The following MCM3AP variants were observed in gnomAD, a reference collection of about 807,000 sequenced individuals.
MCM3AP encodes the protein minichromosome maintenance complex component 3 associated protein.
MCM3AP carries 126 observed loss-of-function variants against 184.1 expected under a neutral mutation model. The observed-to-expected ratio is 0.68, with a 90% confidence interval of 0.59 to 0.79. The LOEUF (loss-of-function observed/expected upper bound fraction) is 0.79. Ranked by LOEUF, MCM3AP falls within the 30% of genes least tolerant of loss-of-function variation. The pLI is 0.00. For missense variants in MCM3AP, 2,496 were observed against 2,479.2 expected (o/e 1.01, Z -0.14); for synonymous variants, 1,002 against 979.3 (o/e 1.02, Z -0.43).
Position 46,266,622 on chromosome 21 carries a change from C to G in MCM3AP, c.2789+360G>C, listed in dbSNP as rs77185377. ...TGACTGGTAAGTACCGGAGAAGACT[C>G]CGGCTGGCCTGCGGGTGCCTCCATC... On this transcript the variant is annotated intron_variant, in intron 10 of 27. Coordinates refer to ENST00000291688, the MANE Select transcript of MCM3AP (RefSeq NM_003906.5). 1.4e-4 allele frequency: 41 copies of G among 285,684 alleles called. No homozygotes were observed. In the East Asian group the frequency reaches 3.3e-3, roughly 23 times the overall value. The allele number at this position is 285,684 out of a possible 1,614,324, so 17.7% of individuals were successfully genotyped here.
Position 46,243,493 on chromosome 21 carries a change from C to T in MCM3AP, c.5268G>A (p.Trp1756Ter). The change falls in exon 24 of 28, where the codon TGG becomes TGA. Residue 1756 changes from tryptophan to a stop codon, truncating the protein, a stop_gained. Transcript: ENST00000291688. LOFTEE classifies it high-confidence loss of function. ...ALCINHKLRD[W>*]TPPRLPVTSE... ...ATGTAACAGGAAGCCGGGGGGGCGT[C>T]CAGTCTCTCAGCTTGTGGTTGATAC... is the stretch of plus-strand genomic sequence containing the variant. The T allele has an allele frequency of 4.3e-6, 7 of 1,612,710 alleles. No homozygotes were observed. Among genetic ancestry groups the T allele is most frequent in the Non-Finnish European group, 5.1e-6 (6 of 1,178,944 alleles).
intron 6 of MCM3AP, among the ~76,000 whole-genome samples, chr21:46,274,151 G>A (rs1042927704): frequency 4.6e-5 from 7 of 152,230 alleles, no homozygotes; most frequent in Admixed American, 2.0e-4. Context: ...ACGAGTTGCT[G>A]GGCTGGGGAC....
intron 5 of MCM3AP, among the ~76,000 whole-genome samples, 194 bp downstream of exon 5, chr21:46,277,333 G>A (rs569329743): frequency 6.6e-6 from 1 of 152,108 alleles, no homozygotes; most frequent in Non-Finnish European, 1.5e-5. Context: ...AAACATATTT[G>A]CACATTTATG....
intron 13 of MCM3AP, among the ~76,000 whole-genome samples, chr21:46,261,732 C>CAAAAAAAAAAAAAAAA (rs58763611): frequency 9.0e-6 from 1 of 110,976 alleles, no homozygotes; most frequent in Non-Finnish European, 1.8e-5. Flanking sequence ...GACTCTGTCT[C>CAAAAAAAAAAAAAAAA]AAAAAAAAAA....
chr21:46,283,506 T>C (rs1336695565), intron 2 of MCM3AP, 109 bp downstream of exon 2: 1 of 681,040 alleles, frequency 1.5e-6, no homozygotes, highest in African/African-American at 1.8e-5. Flanking sequence ...TTTGAGTACT[T>C]TCTCTATATT....
At chr21:46,235,997 A>G (rs185132203) in intron 27 of MCM3AP, among the ~76,000 whole-genome samples, 40 of 152,352 alleles carry the variant, frequency 2.6e-4, no homozygotes, top group African/African-American at 9.6e-4. Flanking sequence ...ATGTGTTATA[A>G]TTGTTTAATC....
intron 11 of MCM3AP, 33 bp downstream of exon 11, chr21:46,265,892 T>C (rs1217019757): frequency 7.3e-6 from 11 of 1,515,170 alleles, no homozygotes; most frequent in Non-Finnish European, 8.9e-6. Flanking sequence ...AAAATGCAGC[T>C]AGTCCCCTCA....
Position 46,280,095 on chromosome 21 carries a change from C to T in MCM3AP, c.1565G>A (p.Gly522Asp), listed in dbSNP as rs1385484295. 2 of 1,614,104 alleles carry T rather than the reference C, an allele frequency of 1.2e-6. No homozygotes were observed. Among genetic ancestry groups the T allele is most frequent in the Admixed American group, 3.3e-5 (2 of 60,004 alleles). ...TGTGCTCGGGCTGACTTCACCGTCA[C>T]CTGGTTTCTTCTCCTTCAGGGAAAA... ...KPFSLKEKKP[G>D]DGEVSPSTED... is the part of the protein sequence containing the mutation. Residue 522 changes from glycine to aspartate, a missense_variant, in exon 4 of 28, where the codon GGT becomes GAT. Gly to Asp is a moderately conservative substitution (Grantham distance 94). This residue lies in a region of MCM3AP where 800 missense variants were observed against 717.1 expected (regional missense o/e 1.12). Coordinates refer to ENST00000291688, the MANE Select transcript of MCM3AP (RefSeq NM_003906.5).
chr21:46,280,110 T>C lies in MCM3AP; in HGVS notation c.1550A>G (p.Lys517Arg). ...TTCACCGTCACCTGGTTTCTTCTCC[T>C]TCAGGGAAAAGGGTTTCTTATTGGG... Reference protein sequence around the residue: ...ISPNKKPFSLKEKKPGDGEVS... With the variant: ...ISPNKKPFSLREKKPGDGEVS... The change falls in exon 4 of 28, where the codon AAG becomes AGG. Residue 517 changes from lysine (K) to arginine (R), a missense_variant. This residue lies in a region of MCM3AP where 800 missense variants were observed against 717.1 expected (regional missense o/e 1.12). Coordinates refer to ENST00000291688, the MANE Select transcript of MCM3AP (RefSeq NM_003906.5). 1 of 1,614,174 alleles carries C rather than the reference T, an allele frequency of 6.2e-7. No homozygotes were observed. The highest frequency in any genetic ancestry group is 1.1e-5 in the South Asian group (1 of 91,080).
At position 46,256,841 on chromosome 21, in the gene MCM3AP, T is replaced by G; in HGVS notation, c.3880A>C (p.Arg1294=). The G allele has an allele frequency of 6.4e-7, 1 of 1,571,900 alleles. No individual in the cohort carries two copies. Residue 1294 remains arginine (R), a synonymous_variant, in exon 17 of 28, where the codon AGG becomes CGG. Coordinates refer to ENST00000291688, the MANE Select transcript of MCM3AP (RefSeq NM_003906.5). ...ECPIAEENLA[R]GLLDLGHAGR... is the part of the protein sequence containing the mutation. Reference sequence around the variant, plus strand: ...GCATGGCCCAGGTCCAGGAGGCCCCTGGCCAGGTTCTCTTCAGCAATGGGG... The same window carrying G: ...GCATGGCCCAGGTCCAGGAGGCCCCGGGCCAGGTTCTCTTCAGCAATGGGG...
chr21:46,257,197 G>A (rs897114314), intron 16 of MCM3AP, among the ~76,000 whole-genome samples: 2 of 152,308 alleles, frequency 1.3e-5, no homozygotes, highest in African/African-American at 4.8e-5. Context: ...ATACCCAGCT[G>A]GGTGCAGTGG....
At position 46,283,611 on chromosome 21, in the gene MCM3AP, T is replaced by C. The variant is rs771048180; in HGVS notation, c.1443+4A>G. 9.4e-6 allele frequency: 15 copies of C among 1,601,078 alleles called. No homozygotes were observed. The highest frequency in any genetic ancestry group is 1.2e-5 in the Non-Finnish European group (14 of 1,168,384). The stretch of plus-strand genomic sequence containing the variant: ...GTAACAAATGGCAAGATGGGAGTAC[T>C]CACATGATCAAAGAAATGTACCACT... On this transcript the variant is annotated splice_donor_region_variant and intron_variant, in intron 2 of 27. Coordinates refer to ENST00000291688, the MANE Select transcript of MCM3AP (RefSeq NM_003906.5).
intron 5 of MCM3AP, among the ~76,000 whole-genome samples, chr21:46,277,047 A>G (rs1488893141): frequency 6.6e-6 from 1 of 152,168 alleles, no homozygotes; most frequent in African/African-American, 2.4e-5. Context: ...CACCATGCCC[A>G]GCCCGGCTGA....
In MCM3AP at chr21:46,263,547, G is replaced by A. The variant is rs1321370153; in HGVS notation, c.3335+570C>T. On this transcript the variant is annotated intron_variant, in intron 13 of 27. Transcript: ENST00000291688. ...GCCTGTAATCCCAGTACTTTAGGAG[G>A]CTGAGGCAGGTGGATCACTTGAGGC... 2.6e-5 allele frequency among the ~76,000 whole-genome samples: 4 copies of A among 151,896 alleles called. No individual in the cohort carries two copies. The East Asian group carries it at 7.7e-4, about 29-fold the overall frequency.
In MCM3AP at chr21:46,238,613, CAGG is replaced by C. The variant is rs17176967; in HGVS notation, c.5634-1637_5634-1635del. Among the ~76,000 whole-genome samples, 47 of 119,854 alleles carry C rather than the reference CAGG, an allele frequency of 3.9e-4. 15 individuals carry two copies. The highest frequency in any genetic ancestry group is 1.5e-3 in the African/African-American group (45 of 29,626). The allele number at this position is 119,854 out of a possible 152,430, so 78.6% of individuals were successfully genotyped here. A position where few individuals can be genotyped will look rare whatever the true frequency, so the allele number is the denominator to read the frequency against. The stretch of plus-strand genomic sequence containing the variant: ...GTCCCAGCTACTTGGGAGGCTGGGG[CAGG>C]AGAACTGCTTGAACCTGGGAGGTGG... On this transcript the variant is annotated intron_variant, in intron 26 of 27. Coordinates refer to ENST00000291688, the MANE Select transcript of MCM3AP (RefSeq NM_003906.5).
chr21:46,273,605 A>G lies in MCM3AP; in HGVS notation c.1999-20T>C, dbSNP rs2081215038. ...GTCCACCTAGAGACATGAAGCCGAGACAGGATGCCCATGTGGCATACCTTG... is the reference window on the plus strand; with the variant it reads ...GTCCACCTAGAGACATGAAGCCGAGGCAGGATGCCCATGTGGCATACCTTG... On this transcript the variant is annotated intron_variant, in intron 6 of 27. Transcript: ENST00000291688. The G allele has an allele frequency of 6.2e-7, 1 of 1,609,576 alleles. No homozygotes were observed. Among genetic ancestry groups the G allele is most frequent in the African/African-American group, 1.3e-5 (1 of 74,834 alleles).
At chr21:46,259,599 G>A (rs1004425003) in intron 15 of MCM3AP, among the ~76,000 whole-genome samples, 26 of 151,566 alleles carry the variant, frequency 1.7e-4, no homozygotes, top group Admixed American at 1.6e-3. Flanking sequence ...GTAGAACCCC[G>A]TCTCTACTAA....
In MCM3AP at chr21:46,267,131, A is replaced by T. The variant is rs1276689301; in HGVS notation, c.2640T>A (p.Asp880Glu). 1 of 1,613,618 alleles carries T rather than the reference A, an allele frequency of 6.2e-7. No individual in the cohort carries two copies. Among genetic ancestry groups the T allele is most frequent in the Non-Finnish European group, 8.5e-7 (1 of 1,179,830 alleles). ...LHCYFSQIRK[D>E]ALRALNFAYT... The stretch of plus-strand genomic sequence containing the variant: ...ACGCAAAGTTGAGCGCCCGGAGAGC[A>T]TCCTTGCGGATCTGAGAGGAGGAGC... The change falls in exon 10 of 28, where the codon GAT (aspartate) becomes GAA (glutamate). Residue 880 changes from aspartate (D) to glutamate (E), a missense_variant. Around this residue, in one of 5 missense-constraint regions of MCM3AP, gnomAD observed 138 missense variants for 191.9 expected, o/e 0.72. Transcript: ENST00000291688.
intron 9 of MCM3AP, 200 bp downstream of exon 9, chr21:46,270,201 A>G: frequency 2.1e-6 from 1 of 466,794 alleles, no homozygotes; most frequent in Non-Finnish European, 3.7e-6. Context: ...TTTCCATTGC[A>G]CAGCCTTTCC....
Sources: allele counts gnomAD v4.1 joint callset (sites outside exome capture counted in the v4.1 genomes callset), GRCh38; gene constraint gnomAD v4.1.1; regional missense constraint gnomAD v4.1.1; transcripts MANE v1.5; gene names NCBI Gene and HGNC (gene_info 2026-07-23, HGNC 2026-07-21).